Variants in PEX6 observed in about 807,000 individuals in gnomAD.
PEX6 encodes peroxisome biogenesis factor 6.
PEX6 carries 55 observed loss-of-function variants against 85.6 expected under a neutral mutation model. The observed-to-expected ratio is 0.64, with a 90% CI of 0.52 to 0.80. The LOEUF is 0.80. PEX6 is among the 30% of genes least tolerant of loss of function. The pLI, the probability that PEX6 is intolerant of heterozygous loss-of-function variation, is 0.00. For missense variants in PEX6, 1,099 were observed against 1,260.3 expected (o/e 0.87, Z 1.94); for synonymous variants, 519 against 549.1 (o/e 0.95, Z 0.77).
Position 42,978,849 on chromosome 6 carries a change from G to C in PEX6, c.302C>G (p.Pro101Arg), listed in dbSNP as rs774813175. The change falls in exon 1 of 17, where the codon CCG (proline) becomes CGG (arginine). Residue 101 changes from proline to arginine, a missense_variant. Physicochemically the swap from Pro to Arg is moderately radical, Grantham distance 103. Around this residue, in one of 3 missense-constraint regions of PEX6, gnomAD observed 579 missense variants for 611.6 expected, o/e 0.95. Transcript: ENST00000304611. The part of the protein sequence containing the change: ...WVRARAVRRP[P>R]ALGWALLGTS... ...GCCAAGCAGTGCCCAACCTAGCGCCGGGGGCCGCCGCACCGCCCGCGCCCG... is the reference window on the plus strand; with the variant it reads ...GCCAAGCAGTGCCCAACCTAGCGCCCGGGGCCGCCGCACCGCCCGCGCCCG... 17 of 1,508,692 alleles carry C rather than the reference G, an allele frequency of 1.1e-5. No homozygotes were observed. Among genetic ancestry groups the C allele is most frequent in the Middle Eastern group, 2.3e-4 (1 of 4,316 alleles). The allele number at this position is 1,508,692 out of a possible 1,614,324, so 93.5% of individuals were successfully genotyped here. A position where few individuals can be genotyped will look rare whatever the true frequency, so the allele number is the denominator to read the frequency against.
chr6:42,974,441 T>C (rs951932074), intron 2 of PEX6, among the ~76,000 whole-genome samples: 33 of 82,546 alleles, frequency 4.0e-4, no homozygotes, highest in African/African-American at 2.2e-3. Flanking sequence ...CTGTCTGAAA[T>C]GTTTTTTTTG....
At chr6:42,976,582 C>T (rs1770308890) in intron 1 of PEX6, among the ~76,000 whole-genome samples, 1 of 151,696 alleles carries the variant, frequency 6.6e-6, no homozygotes. Flanking sequence ...AGGCTGGTCT[C>T]GAACTCCTGA....
chr6:42,966,031 C>T lies in PEX6; in HGVS notation c.2362+13G>A, dbSNP rs754139118. On this transcript the variant is annotated intron_variant, in intron 12 of 16. Transcript: ENST00000304611. ...GGAAGCATGGGACGCCCTGCCCCTC[C>T]CTGCTCACTCACCTTCCCGCACATT... is the stretch of plus-strand genomic sequence containing the variant. 8 of 1,613,374 alleles carry T rather than the reference C, an allele frequency of 5.0e-6. No individual in the cohort carries two copies. In the South Asian group the frequency reaches 8.8e-5, roughly 18 times the overall value.
chr6:42,978,001 G>A (rs951376533), intron 1 of PEX6, among the ~76,000 whole-genome samples: 20 of 151,504 alleles, frequency 1.3e-4, no homozygotes, highest in African/African-American at 4.8e-4. Flanking sequence ...GCACCACCAC[G>A]CCCGGCTAAT....
At position 42,978,563 on chromosome 6, in the gene PEX6, TC is replaced by T. The variant is rs1387164503; in HGVS notation, c.587del (p.Gly196GlufsTer10). Reference sequence around the variant, plus strand: ...GTGAATCTCCAGTCCCTCCCAGAACTCCCTGGAGTCGCCGCACTGTGCCAGA... The same window carrying T: ...GTGAATCTCCAGTCCCTCCCAGAACTCCTGGAGTCGCCGCACTGTGCCAGA... ...AVSGTVRRLQ[G>X]VLGGTGDSLG... On this transcript the variant is annotated frameshift_variant, in exon 1 of 17. Transcript: ENST00000304611. LOFTEE classifies it high-confidence loss of function. 1 of 1,612,266 alleles carries T rather than the reference TC, an allele frequency of 6.2e-7. No homozygotes were observed.
Position 42,971,861 on chromosome 6 carries a change from G to C in PEX6, c.1131-1874C>G, listed in dbSNP as rs977238479. Among the ~76,000 whole-genome samples, 9 of 152,222 alleles carry C rather than the reference G, an allele frequency of 5.9e-5. No homozygotes were observed. The highest frequency in any genetic ancestry group is 1.2e-4 in the Non-Finnish European group (8 of 68,042). ...TTTCCTTTGAAAGTACAAAGAGTGG[G>C]CATTCTGTAGTTTTCCTACTGAAAG... On this transcript the variant is annotated intron_variant, in intron 3 of 16. Coordinates refer to ENST00000304611, the MANE Select transcript of PEX6 (RefSeq NM_000287.4). This position sits in a 1 kb window ranked among gnomAD's most constrained non-coding sequence, Gnocchi z 4.4.
At chr6:42,968,843 A>G in intron 6 of PEX6, 31 bp downstream of exon 6, 2 of 1,470,620 alleles carry the variant, frequency 1.4e-6, no homozygotes, top group Non-Finnish European at 1.9e-6. Flanking sequence ...GAGGGGAAGT[A>G]GCTGGGGTTC....
In PEX6 at chr6:42,968,483, G is replaced by A. The variant is rs769207892; in HGVS notation, c.1495C>T (p.Leu499Phe). ...ACAGCCCCACTACTTTCTGCACAGA[G>A]GCTGGAGCAGGGCACCTGGGGAGGG... ...LHLLKVPCSS[L>F]CAESSGAVET... The change falls in exon 7 of 17, where the codon CTC becomes TTC. Residue 499 changes from leucine to phenylalanine, a missense_variant. Transcript: ENST00000304611. 8 of 1,578,526 alleles carry A rather than the reference G, an allele frequency of 5.1e-6. No homozygotes were observed. In the South Asian group the frequency reaches 5.7e-5, roughly 11 times the overall value.
chr6:42,969,848 C>T (rs1006040162), intron 4 of PEX6, 37 bp downstream of exon 4: 25 of 1,613,974 alleles, frequency 1.5e-5, no homozygotes, highest in Non-Finnish European at 2.0e-5. Context: ...TCGTTTCTAC[C>T]CCCTGCGCTG....
chr6:42,976,034 A>C (rs961882964), intron 1 of PEX6, among the ~76,000 whole-genome samples: 1 of 150,822 alleles, frequency 6.6e-6, no homozygotes, highest in Non-Finnish European at 1.5e-5. Flanking sequence ...GACGACAGGC[A>C]TGTGCCACCA....
intron 3 of PEX6, among the ~76,000 whole-genome samples, chr6:42,972,723 T>C (rs997167340): frequency 2.7e-5 from 4 of 148,494 alleles, no homozygotes; most frequent in Admixed American, 1.4e-4. Context: ...TGAGCCAAGA[T>C]TGCGCCACTG....
rs374396138 is a variant in PEX6, at chr6:42,968,413, C to T, written c.1565G>A (p.Arg522Gln). The change falls in exon 7 of 17, where the codon CGG (arginine) becomes CAG (glutamine). Residue 522 changes from arginine (R) to glutamine (Q), a missense_variant. Around this residue, in one of 3 missense-constraint regions of PEX6, gnomAD observed 514 missense variants for 627.0 expected, o/e 0.82. Transcript: ENST00000304611. ...QAIFSRARRCRPAVLLLTAVD... is the reference protein window; with the variant it reads ...QAIFSRARRCQPAVLLLTAVD... ...AGCTGTGAGCAACAGGACTGCAGGC[C>T]GGCAACGGCGGGCCCGGGAGAAGAT... 61 of 1,613,702 alleles carry T rather than the reference C, an allele frequency of 3.8e-5. No individual in the cohort carries two copies. The highest frequency in any genetic ancestry group is 4.5e-5 in the Non-Finnish European group (53 of 1,179,870).
In PEX6 at chr6:42,973,897, G is replaced by A. The variant is rs57130470; in HGVS notation, c.1130+106C>T. The A allele has an allele frequency of 7.4e-3, 5,978 of 809,742 alleles. 229 individuals are homozygous for A. The African/African-American group carries it at 0.087, about 12-fold the overall frequency. 50.2% of individuals were successfully genotyped at this position (809,742 alleles called of 1,614,324 possible). ...ACGCACACACAAAATACATGACAAC[G>A]AAATCCTCTTGGGCACAAATTACAC... On this transcript the variant is annotated intron_variant, in intron 3 of 16. Coordinates refer to ENST00000304611, the MANE Select transcript of PEX6 (RefSeq NM_000287.4).
chr6:42,976,360 CTTTCA>C (rs1164253079), intron 1 of PEX6, among the ~76,000 whole-genome samples: 1 of 151,896 alleles, frequency 6.6e-6, no homozygotes, highest in Non-Finnish European at 1.5e-5. Context: ...CTAAACACAA[CTTTCA>C]TTTTTTTCTT....
At position 42,978,286 on chromosome 6, in the gene PEX6, C is replaced by G; in HGVS notation, c.865G>C (p.Gly289Arg). The change falls in exon 1 of 17, where the codon GGA (glycine) becomes CGA (arginine). Residue 289 changes from glycine to arginine, a missense_variant. Coordinates refer to ENST00000304611, the MANE Select transcript of PEX6 (RefSeq NM_000287.4). ...TATCCTACCTGAATTCTGAGCTCTC[C>G]CATTTCCAGGGGGTCACAGCCAAGA... ...FNLGCDPLEM[G>R]ELRIQRYLEG... 1.2e-6 allele frequency: 2 copies of G among 1,614,202 alleles called. No homozygotes were observed. Among genetic ancestry groups the G allele is most frequent in the Non-Finnish European group, 1.7e-6 (2 of 1,180,034 alleles).
rs1187015124 is a variant in PEX6, at chr6:42,978,686, C to G, written c.465G>C (p.Leu155=). 5 of 1,553,338 alleles carry G rather than the reference C, an allele frequency of 3.2e-6. No homozygotes were observed. The Admixed American group carries it at 9.6e-5, about 30-fold the overall frequency. The change falls in exon 1 of 17, where the codon CTG becomes CTC. Residue 155 remains leucine (L), a synonymous_variant. Coordinates refer to ENST00000304611, the MANE Select transcript of PEX6 (RefSeq NM_000287.4). ...CCCGCCCGCGGAGCTCAGTCACAGC[C>G]AGCCGAGTCCCTGGGCCCAGCAGCC... ...LQGLLGPGTR[L]AVTELRGRAR...
chr6:42,974,713 G>A lies in PEX6; in HGVS notation c.1046+162C>T, dbSNP rs9296407. ...CCTGACCTCATGATCCGCCCACCTC[G>A]GCCTCCCAAAGTGCTGGGATTACAG... is the stretch of plus-strand genomic sequence containing the variant. On this transcript the variant is annotated intron_variant, in intron 2 of 16. Coordinates refer to ENST00000304611, the MANE Select transcript of PEX6 (RefSeq NM_000287.4). 0.57 allele frequency among the ~76,000 whole-genome samples: 85,580 copies of A among 151,398 alleles called. 25,591 individuals carry two copies. Among genetic ancestry groups the A allele is most frequent in the African/African-American group, 0.75 (31,140 of 41,250 alleles).
intron 9 of PEX6, 32 bp from the exon 10 acceptor site, chr6:42,966,689 C>T: frequency 1.2e-6 from 2 of 1,614,144 alleles, no homozygotes; most frequent in East Asian, 2.2e-5. Flanking sequence ...AGCCTCCTCA[C>T]CATCAGCGTC....
At position 42,964,785 on chromosome 6, in the gene PEX6, C is replaced by T. The variant is rs1393921328; in HGVS notation, c.2806+5G>A. 1 of 1,614,006 alleles carries T rather than the reference C, an allele frequency of 6.2e-7. No homozygotes were observed. ...GTTGACCTCTCAGACCGGCAAGTGG[C>T]TCACCTTCCTCCAGGTCATGAACCC... On this transcript the variant is annotated splice_donor_5th_base_variant and intron_variant, in intron 16 of 16. Transcript: ENST00000304611. This position sits in a 1 kb window ranked among gnomAD's most constrained non-coding sequence, Gnocchi z 4.6.
Sources: allele counts gnomAD v4.1 joint callset (sites outside exome capture counted in the v4.1 genomes callset), GRCh38; gene constraint gnomAD v4.1.1; regional missense constraint gnomAD v4.1.1; non-coding constraint Gnocchi (gnomAD v3.1); transcripts MANE v1.5; gene names NCBI Gene and HGNC (gene_info 2026-07-23, HGNC 2026-07-21).